The following MDN1 variants were observed in gnomAD, a reference collection of about 807,000 sequenced individuals.
MDN1 encodes the protein midasin AAA ATPase 1, also known as midasin.
Under a neutral mutation model 669.2 loss-of-function variants are expected in MDN1, and 266 were observed. That is an observed-to-expected ratio of 0.40 (90% confidence interval 0.36 to 0.44). MDN1 has a LOEUF of 0.44. MDN1 is among the 20% of genes least tolerant of loss of function. The pLI is 1.00. For missense variants in MDN1, 5,940 were observed against 6,754.0 expected (o/e 0.88, Z 4.22); for synonymous variants, 2,385 against 2,457.1 (o/e 0.97, Z 0.87).
At chr6:89,815,605 C>G (rs760944496) in intron 1 of MDN1, 23 of 170,534 alleles carry the variant, frequency 1.3e-4, no homozygotes, top group Middle Eastern at 5.4e-3. Context: ...CTGAGAGTGT[C>G]TTGGGGAGAT....
rs1166823767 is a variant in MDN1, at chr6:89,749,639, T to C, written c.3519A>G (p.Glu1173=). The change falls in exon 25 of 102, where the codon GAA becomes GAG. Residue 1173 remains glutamate, a synonymous_variant. Coordinates refer to ENST00000369393, the MANE Select transcript of MDN1 (RefSeq NM_014611.3). ...CTTCCTGTGTTTCTGTTACTAGCAA[T>C]TCACGGTTATCATCCAACAGCCTAT... ...ALNRLLDDNR[E]LLVTETQEVV... is the part of the protein sequence containing the mutation. 1.9e-6 allele frequency: 3 copies of C among 1,614,198 alleles called. No homozygotes were observed. In the South Asian group the frequency reaches 3.3e-5, roughly 18 times the overall value.
chr6:89,713,405 A>G (rs1330210833), intron 46 of MDN1, 109 bp from the exon 47 acceptor site: 4 of 971,756 alleles, frequency 4.1e-6, no homozygotes, highest in Non-Finnish European at 4.6e-6. Context: ...ACCCCACCCA[A>G]ATACTTACTT....
chr6:89,807,844 T>G (rs913685632), intron 1 of MDN1, among the ~76,000 whole-genome samples: 2 of 152,348 alleles, frequency 1.3e-5, no homozygotes, highest in East Asian at 3.9e-4. Context: ...CTGTCTAATC[T>G]TCAATGAGGC....
intron 51 of MDN1, 99 bp downstream of exon 51, chr6:89,708,397 A>G: frequency 1.4e-6 from 2 of 1,440,802 alleles, no homozygotes; most frequent in Non-Finnish European, 9.4e-7. Context: ...CAGGTTCACA[A>G]AATTCAACAC....
chr6:89,728,999 T>C lies in MDN1; in HGVS notation c.5281A>G (p.Ser1761Gly). The C allele has an allele frequency of 6.2e-6, 10 of 1,614,166 alleles. No homozygotes were observed. The highest frequency in any genetic ancestry group is 6.8e-6 in the Non-Finnish European group (8 of 1,180,008). The change falls in exon 36 of 102, where the codon AGT becomes GGT. Residue 1761 changes from serine (S) to glycine (G), a missense_variant. By Grantham distance (56) the Ser-to-Gly change is moderately conservative. Coordinates refer to ENST00000369393, the MANE Select transcript of MDN1 (RefSeq NM_014611.3). ...LEGSPGVGKT[S>G]LVGALAKASG... ...GCCTTTGCTAATGCTCCCACCAAAC[T>C]TGTCTTGCCAACACCAGGGGAACCC...
Position 89,700,770 on chromosome 6 carries a change from C to T in MDN1, c.8514G>A (p.Glu2838=), listed in dbSNP as rs772877569. The T allele has an allele frequency of 6.2e-7, 1 of 1,614,200 alleles. No individual in the cohort carries two copies. Among genetic ancestry groups the T allele is most frequent in the South Asian group, 1.1e-5 (1 of 91,086 alleles). The change falls in exon 56 of 102, where the codon GAG becomes GAA. Residue 2838 remains glutamate (E), a synonymous_variant. Coordinates refer to ENST00000369393, the MANE Select transcript of MDN1 (RefSeq NM_014611.3). ...GGTTAATGTCTTCCTGCCATCCACT[C>T]TCCCCAAGGGCAGACATCTGCTCCC... ...AIREQMSALG[E]SGWQEDINRL...
At chr6:89,756,836 G>C (rs1304535322) in intron 19 of MDN1, among the ~76,000 whole-genome samples, 1 of 151,810 alleles carries the variant, frequency 6.6e-6, no homozygotes, top group Non-Finnish European at 1.5e-5. Flanking sequence ...CAGGAGAATG[G>C]CGTGAACCCA....
intron 33 of MDN1, among the ~76,000 whole-genome samples, chr6:89,737,043 G>C (rs934919621): frequency 6.6e-6 from 1 of 152,162 alleles, no homozygotes; most frequent in Non-Finnish European, 1.5e-5. Flanking sequence ...AAATGAGTCT[G>C]ACAACTAACT....
chr6:89,695,956 GA>G lies in MDN1; in HGVS notation c.9419del (p.Phe3140SerfsTer7). 6.2e-7 allele frequency: 1 copy of G among 1,611,174 alleles called. No individual in the cohort carries two copies. The highest frequency in any genetic ancestry group is 8.5e-7 in the Non-Finnish European group (1 of 1,179,144). ...GCTCTGCTAGGCCTGCCAGGTGCCG[GA>G]ACAGCACCTGCCCCTGGAGTTGGGA... Reference protein sequence around the residue: ...TDSQLQGQVLFRHLAGLAELL... With the variant: ...TDSQLQGQVLXRHLAGLAELL... On this transcript the variant is annotated frameshift_variant, in exon 61 of 102. Coordinates refer to ENST00000369393, the MANE Select transcript of MDN1 (RefSeq NM_014611.3). LOFTEE classifies it high-confidence loss of function. The surrounding 1 kb of genome is among the most constrained non-coding windows in gnomAD (Gnocchi z 4.1).
Position 89,688,160 on chromosome 6 carries a change from A to C in MDN1, c.11273T>G (p.Met3758Arg). The C allele has an allele frequency of 6.2e-7, 1 of 1,614,026 alleles. No individual in the cohort carries two copies. Among genetic ancestry groups the C allele is most frequent in the African/African-American group, 1.3e-5 (1 of 75,030 alleles). Residue 3758 changes from methionine to arginine, a missense_variant, in exon 67 of 102, where the codon ATG (methionine) becomes AGG (arginine). Met to Arg is a moderately conservative substitution (Grantham distance 91). Around this residue, in one of 5 missense-constraint regions of MDN1, gnomAD observed 2,280 missense variants for 2,576.3 expected, o/e 0.88. Coordinates refer to ENST00000369393, the MANE Select transcript of MDN1 (RefSeq NM_014611.3). The stretch of plus-strand genomic sequence containing the variant: ...AAGTGGGAAACTACGAATTCTGTCC[A>C]TTACAACCAGGAGCTGCAGAAATAA... The part of the protein sequence containing the change: ...HPALEQLLVV[M>R]DRIRSFPLSS...
At position 89,718,448 on chromosome 6, in the gene MDN1, C is replaced by T. The variant is rs765669593; in HGVS notation, c.6501G>A (p.Thr2167=). ...CTTCTAGTTTGTTGACAATCTCCAT[C>T]GTGATAGCTTTACCACCTTCTCCAA... is the stretch of plus-strand genomic sequence containing the variant. ...KCLGEGGKAI[T]MEIVNKLEAV... The change falls in exon 43 of 102, where the codon ACG becomes ACA. Residue 2167 remains threonine, a synonymous_variant. Transcript: ENST00000369393. 1.9e-6 allele frequency: 3 copies of T among 1,613,960 alleles called. No homozygotes were observed. The highest frequency in any genetic ancestry group is 2.5e-6 in the Non-Finnish European group (3 of 1,180,016).
rs534523019 is a variant in MDN1 at position 89,793,822 on chromosome 6, A to G, written c.795T>C (p.Pro265=). Residue 265 remains proline, a synonymous_variant, in exon 5 of 102, where the codon CCT becomes CCC. Transcript: ENST00000369393. ...QGHLVSSDLS[P]RVTAVCGVVL... is the part of the protein sequence containing the mutation. The stretch of plus-strand genomic sequence containing the variant: ...CCACACCACAAACAGCTGTCACCCT[A>G]GGGGAGAGGTCAGACGAAACAAGAT... The G allele has an allele frequency of 3.1e-6, 5 of 1,614,124 alleles. No individual in the cohort carries two copies. In the East Asian group the frequency reaches 1.1e-4, roughly 36 times the overall value.
intron 40 of MDN1, 39 bp downstream of exon 40, chr6:89,722,916 C>G: frequency 1.9e-6 from 3 of 1,548,900 alleles, no homozygotes; most frequent in Non-Finnish European, 1.8e-6. Flanking sequence ...AATCAACTTT[C>G]AGATGGAAAG....
chr6:89,703,009 C>T (rs1224216916), intron 53 of MDN1, among the ~76,000 whole-genome samples: 3 of 151,350 alleles, frequency 2.0e-5, no homozygotes, highest in Non-Finnish European at 4.4e-5. Context: ...AATCTCAGCT[C>T]ACTGCAACCT....
chr6:89,806,703 T>C (rs367970216), intron 1 of MDN1, among the ~76,000 whole-genome samples: 5 of 151,318 alleles, frequency 3.3e-5, no homozygotes, highest in African/African-American at 4.9e-5. Context: ...GGGCAACAGA[T>C]AGAGTGAGAC....
In MDN1 at chr6:89,754,148, G is replaced by C. The variant is rs1457580108; in HGVS notation, c.2899C>G (p.Leu967Val). 1 of 1,614,160 alleles carries C rather than the reference G, an allele frequency of 6.2e-7. No homozygotes were observed. Among genetic ancestry groups the C allele is most frequent in the Non-Finnish European group, 8.5e-7 (1 of 1,180,020 alleles). Residue 967 changes from leucine (L) to valine (V), a missense_variant, in exon 21 of 102, where the codon CTG becomes GTG. Leu to Val is a conservative substitution (Grantham distance 32). Transcript: ENST00000369393. ...GCTGCAAATCGCAGGGCCCGGCACAGAGTCCGAAGGCTGTAGTGAGGTCTA... is the reference window on the plus strand; with the variant it reads ...GCTGCAAATCGCAGGGCCCGGCACACAGTCCGAAGGCTGTAGTGAGGTCTA... ...GHRPHYSLRTLCRALRFAASN... is the reference protein window; with the variant it reads ...GHRPHYSLRTVCRALRFAASN...
At chr6:89,798,502 CAA>C (rs572415548) in intron 2 of MDN1, among the ~76,000 whole-genome samples, 2 of 131,752 alleles carry the variant, frequency 1.5e-5, no homozygotes, top group African/African-American at 5.7e-5. Context: ...AACTCCATCT[CAA>C]AAAAAAAAAA....
intron 1 of MDN1, among the ~76,000 whole-genome samples, chr6:89,817,584 G>A (rs1768926576): frequency 6.6e-6 from 1 of 152,192 alleles, no homozygotes; most frequent in Non-Finnish European, 1.5e-5. Flanking sequence ...GCAGGGCATA[G>A]AAGAGAGATG....
At chr6:89,778,447 C>A (rs561443857) in intron 11 of MDN1, among the ~76,000 whole-genome samples, 4 of 151,922 alleles carry the variant, frequency 2.6e-5, no homozygotes, top group Non-Finnish European at 5.9e-5. Flanking sequence ...AACTTATACC[C>A]AGAAATCTAA....
Sources: gnomAD v4.1 joint callset for allele counts (sites outside exome capture counted in the v4.1 genomes callset) on GRCh38, gnomAD v4.1.1 for gene constraint, gnomAD v4.1.1 regional missense constraint, Gnocchi (gnomAD v3.1) non-coding constraint, MANE v1.5 for transcripts, NCBI Gene and HGNC (gene_info 2026-07-23, HGNC 2026-07-21) for gene names.